PDE4D: variants seen among roughly 807,000 people sequenced by gnomAD.
PDE4D encodes phosphodiesterase 4D.
PDE4D carries 24 observed loss-of-function variants against 87.4 expected under a neutral mutation model. The ratio of observed to expected loss-of-function variants is 0.27; its 90% CI spans 0.20 to 0.39. The LOEUF (loss-of-function observed/expected upper bound fraction) is 0.39, where lower values mean the gene tolerates loss of function less well. PDE4D is among the 10% of genes least tolerant of loss of function. The probability of loss-of-function intolerance (pLI) is 1.00; values close to 1 mark genes in which losing one functional copy is unlikely to be tolerated. For missense variants in PDE4D, 714 were observed against 1,041.0 expected, an observed-to-expected ratio of 0.69 and a Z score of 4.32; for synonymous variants, 384 against 383.2, an observed-to-expected ratio of 1.00 and a Z score of -0.02.
At chr5:59,609,343 T>G (rs1291201823) in intron 1 of PDE4D, among the ~76,000 whole-genome samples, 3 of 146,760 alleles carry the variant, frequency 2.0e-5, no homozygotes, top group Non-Finnish European at 3.0e-5. Flanking sequence ...GTGAGCAGCA[T>G]GAGAAACACG....
chr5:60,100,666 C>A (rs1040416207), intron 2 of PDE4D, among the ~76,000 whole-genome samples: 1 of 152,060 alleles, frequency 6.6e-6, no homozygotes, highest in Non-Finnish European at 1.5e-5. Context: ...GGTTCTTCAA[C>A]CTTGCATTGT....
chr5:59,212,117 G>A (rs1282297486), intron 2 of PDE4D, among the ~76,000 whole-genome samples: 5 of 151,944 alleles, frequency 3.3e-5, no homozygotes, highest in Admixed American at 6.6e-5. Context: ...TCTCTATAAA[G>A]CGCAGTTGAA....
At chr5:60,169,040 G>A (rs1783177087) in intron 2 of PDE4D, among the ~76,000 whole-genome samples, 1 of 151,994 alleles carries the variant, frequency 6.6e-6, no homozygotes, top group South Asian at 2.1e-4. Context: ...TTTAACTCTA[G>A]GATTTTGCCT....
chr5:60,188,780 T>G (rs1347522643), intron 1 of PDE4D, among the ~76,000 whole-genome samples: 2 of 152,226 alleles, frequency 1.3e-5, no homozygotes, highest in East Asian at 3.8e-4. Context: ...CAGCAACGAA[T>G]GAAGTAAATT....
At chr5:58,994,849 C>T (rs1035268187) in intron 6 of PDE4D, among the ~76,000 whole-genome samples, 28 of 151,734 alleles carry the variant, frequency 1.8e-4, no homozygotes, top group Admixed American at 3.9e-4. Context: ...CGCATGCCAG[C>T]GTAGTCAAAA....
chr5:60,488,166 G>A (rs186836801), upstream of PDE4D: 33 of 152,702 alleles, frequency 2.2e-4, no homozygotes, highest in African/African-American at 6.0e-4. Flanking sequence ...GCTCTGGAAA[G>A]CTGAAAGGGC....
chr5:60,424,388 C>T (rs1743448923), intron 1 of PDE4D, among the ~76,000 whole-genome samples: 1 of 152,196 alleles, frequency 6.6e-6, no homozygotes, highest in South Asian at 2.1e-4. Flanking sequence ...ATGCTCAAAT[C>T]AATAAACCTA....
chr5:59,892,938 ACG>A (rs1554107019), intron 1 of PDE4D, among the ~76,000 whole-genome samples: 2 of 142,300 alleles, frequency 1.4e-5, no homozygotes, highest in East Asian at 2.0e-4. Flanking sequence ...ACACACACAC[ACG>A]GCCCCAGTTA....
intron 1 of PDE4D, among the ~76,000 whole-genome samples, chr5:59,799,627 C>A (rs537607068): frequency 2.0e-5 from 3 of 152,150 alleles, no homozygotes; most frequent in African/African-American, 4.8e-5. Flanking sequence ...AGTAAACCAT[C>A]GGACCATATC....
chr5:59,554,372 G>T (rs1818575836), intron 1 of PDE4D, among the ~76,000 whole-genome samples: 1 of 152,072 alleles, frequency 6.6e-6, no homozygotes, highest in African/African-American at 2.4e-5. Flanking sequence ...TTTTAGGGGA[G>T]AAAATTGAGG....
At chr5:59,625,410 T>C (rs1265321342) in intron 1 of PDE4D, among the ~76,000 whole-genome samples, 3 of 152,092 alleles carry the variant, frequency 2.0e-5, no homozygotes, top group Non-Finnish European at 4.4e-5. Flanking sequence ...AGATCACAGC[T>C]GGTTAGCACC....
chr5:60,102,740 G>C (rs907974238), intron 2 of PDE4D, among the ~76,000 whole-genome samples: 1 of 152,094 alleles, frequency 6.6e-6, no homozygotes, highest in African/African-American at 2.4e-5. Flanking sequence ...ACTAAGAAAA[G>C]GGATGTTTGC....
intron 5 of PDE4D, among the ~76,000 whole-genome samples, chr5:59,138,676 G>A (rs1777475395): frequency 1.3e-5 from 2 of 152,170 alleles, no homozygotes; most frequent in Admixed American, 1.3e-4. Flanking sequence ...TAGATCAGCA[G>A]CCATGCCACT....
chr5:59,856,217 T>C lies in PDE4D; in HGVS notation c.455+36951A>G, dbSNP rs370635151. 1.2e-4 allele frequency among the ~76,000 whole-genome samples: 19 copies of C among 152,250 alleles called. No individual in the cohort carries two copies. The South Asian group carries it at 2.5e-3, about 20-fold the overall frequency. On this transcript the variant is annotated intron_variant, in intron 1 of 14. Coordinates refer to ENST00000340635, the MANE Select transcript of PDE4D (RefSeq NM_001104631.2). ...TTTATTTATAGAAGTGGAAGATAAG[T>C]GGTATTTCTCTTTTGGCATTGGAAT...
intron 1 of PDE4D, among the ~76,000 whole-genome samples, chr5:59,774,096 G>T (rs1763843296): frequency 1.3e-5 from 2 of 152,156 alleles, no homozygotes; most frequent in African/African-American, 4.8e-5. Flanking sequence ...TTTAGGGGAG[G>T]TAAGATGCAT....
intron 1 of PDE4D, among the ~76,000 whole-genome samples, chr5:60,502,915 T>C (rs1260366546): frequency 3.3e-5 from 5 of 152,160 alleles, no homozygotes; most frequent in African/African-American, 9.7e-5. Context: ...TTATAATAAG[T>C]TACTATATTC....
intron 1 of PDE4D, among the ~76,000 whole-genome samples, chr5:59,609,313 C>G (rs965776690): frequency 6.6e-6 from 1 of 151,016 alleles, no homozygotes; most frequent in Admixed American, 6.6e-5. Context: ...GCATGGTAAC[C>G]TTACTTTGGC....
chr5:59,778,572 A>ATTAT (rs1250207562), intron 1 of PDE4D, among the ~76,000 whole-genome samples: 1 of 112,492 alleles, frequency 8.9e-6, no homozygotes, highest in African/African-American at 4.1e-5. Context: ...CCAACTAGTA[A>ATTAT]TTATTTAATC....
At chr5:60,157,045 A>G (rs1782038349) in intron 2 of PDE4D, among the ~76,000 whole-genome samples, 1 of 152,164 alleles carries the variant, frequency 6.6e-6, no homozygotes, top group Non-Finnish European at 1.5e-5. Context: ...AAAATATAGT[A>G]TAGAAACATT....
Sources: allele counts gnomAD v4.1 joint callset (sites outside exome capture counted in the v4.1 genomes callset), GRCh38; gene constraint gnomAD v4.1.1; transcripts MANE v1.5; gene names NCBI Gene and HGNC (gene_info 2026-07-23, HGNC 2026-07-21).